ATP9A: variants seen among roughly 807,000 people sequenced by gnomAD.
The protein encoded by ATP9A is ATPase phospholipid transporting 9A, also known as probable phospholipid-transporting ATPase IIA.
Under a neutral mutation model 144.1 loss-of-function variants are expected in ATP9A, and 52 were observed. The observed-to-expected ratio is 0.36, with a 90% CI of 0.29 to 0.45. The LOEUF (loss-of-function observed/expected upper bound fraction) is 0.45. Ranked by LOEUF, ATP9A falls within the 20% of genes least tolerant of loss-of-function variation. The pLI is 1.00. For missense variants in ATP9A, 947 were observed against 1,392.7 expected (o/e 0.68, Z 5.09); for synonymous variants, 582 against 557.4 (o/e 1.04, Z -0.62).
At chr20:51,724,126 G>A (rs2077702078) in intron 3 of ATP9A, among the ~76,000 whole-genome samples, 1 of 151,922 alleles carries the variant, frequency 6.6e-6, no homozygotes, top group Non-Finnish European at 1.5e-5. Context: ...AGCTGAAATT[G>A]CGCCACTGCA....
intron 9 of ATP9A, among the ~76,000 whole-genome samples, chr20:51,683,133 A>T (rs2077507662): frequency 6.6e-6 from 1 of 152,064 alleles, no homozygotes; most frequent in Non-Finnish European, 1.5e-5. Context: ...TCTGTCACCC[A>T]AACTGGAGTA....
chr20:51,657,270 G>C, intron 13 of ATP9A, 120 bp from the exon 14 acceptor site: 1 of 742,160 alleles, frequency 1.3e-6, no homozygotes, highest in Non-Finnish European at 2.2e-6. Context: ...AGAACCCTTA[G>C]ATATATCTAC....
At chr20:51,630,366 C>G (rs1345056579) in intron 15 of ATP9A, among the ~76,000 whole-genome samples, 1 of 152,172 alleles carries the variant, frequency 6.6e-6, no homozygotes, top group Non-Finnish European at 1.5e-5. Context: ...AGAATAAATG[C>G]CCGGAAAGTC....
intron 9 of ATP9A, among the ~76,000 whole-genome samples, chr20:51,687,775 A>AAATGAATGAATGAATG (rs1555836823): frequency 6.1e-5 from 9 of 147,440 alleles, no homozygotes; most frequent in Non-Finnish European, 6.0e-5. Flanking sequence ...AAAAAAAAAA[A>AAATGAATGAATGAATG]AATGAATGAA....
chr20:51,686,024 T>C (rs2077521486), intron 9 of ATP9A, among the ~76,000 whole-genome samples: 1 of 152,148 alleles, frequency 6.6e-6, no homozygotes, highest in Non-Finnish European at 1.5e-5. Context: ...ATGCATAGAA[T>C]TCTATGCAGC....
intron 23 of ATP9A, 46 bp downstream of exon 23, chr20:51,613,631 G>A (rs1461409397): frequency 5.8e-6 from 9 of 1,563,840 alleles, no homozygotes; most frequent in Non-Finnish European, 6.9e-6. Context: ...CCACCTACAT[G>A]GTATAGCCAC....
intron 1 of ATP9A, among the ~76,000 whole-genome samples, chr20:51,733,379 CTT>C (rs554396491): frequency 6.8e-6 from 1 of 146,912 alleles, no homozygotes. Context: ...TTCCTCATGC[CTT>C]TTTTTTTTTC....
In ATP9A at chr20:51,668,357, G is replaced by C. The variant is rs1030164373; in HGVS notation, c.1293+1640C>G. Among the ~76,000 whole-genome samples the C allele has an allele frequency of 7.4e-4, 112 of 151,714 alleles. 1 individual carries two copies. Among genetic ancestry groups the C allele is most frequent in the Admixed American group, 2.1e-3 (32 of 15,210 alleles). On this transcript the variant is annotated intron_variant, in intron 13 of 27. Coordinates refer to ENST00000338821, the MANE Select transcript of ATP9A (RefSeq NM_006045.3). ...GAGATGAGGGAAGAAAGTCAGGAGG[G>C]GTCCCAGGTACAGCATCCTTATGAG... is the stretch of plus-strand genomic sequence containing the variant.
rs1179122348 is a variant in ATP9A, at chr20:51,689,244, G to GA, written c.724-106dup. Reference sequence around the variant, plus strand: ...GGAGATAGAAAGACAGGCTCCCCCCGATGAACCTGGAAGCCCAGTTTGGAA... The same window carrying GA: ...GGAGATAGAAAGACAGGCTCCCCCCGAATGAACCTGGAAGCCCAGTTTGGAA... On this transcript the variant is annotated intron_variant, in intron 8 of 27. Coordinates refer to ENST00000338821, the MANE Select transcript of ATP9A (RefSeq NM_006045.3). The GA allele has an allele frequency of 1.9e-5, 22 of 1,156,118 alleles. No individual in the cohort carries two copies. The Admixed American group carries it at 2.3e-4, about 12-fold the overall frequency. The allele number at this position is 1,156,118 out of a possible 1,614,324, so 71.6% of individuals were successfully genotyped here. A position where few individuals can be genotyped will look rare whatever the true frequency, so the allele number is the denominator to read the frequency against.
Position 51,608,043 on chromosome 20 carries a change from CAA to C in ATP9A, c.2746-461_2746-460del, listed in dbSNP as rs11482003. On this transcript the variant is annotated intron_variant, in intron 25 of 27. Transcript: ENST00000338821. The stretch of plus-strand genomic sequence containing the variant: ...TGGGTGACAAAGTGAGAATTAGTCT[CAA>C]AAAAAAAAAAAAAAAGAATTAACAT... Among the ~76,000 whole-genome samples, 878 of 116,444 alleles carry C rather than the reference CAA, an allele frequency of 7.5e-3. 14 individuals carry two copies. Among genetic ancestry groups the C allele is most frequent in the African/African-American group, 0.029 (825 of 28,094 alleles). 76.4% of individuals were successfully genotyped at this position (116,444 alleles called of 152,430 possible). A position where few individuals can be genotyped will look rare whatever the true frequency, so the allele number is the denominator to read the frequency against.
At chr20:51,738,214 CAG>C (rs1466026844) in intron 1 of ATP9A, among the ~76,000 whole-genome samples, 4 of 151,956 alleles carry the variant, frequency 2.6e-5, no homozygotes, top group African/African-American at 9.6e-5. Flanking sequence ...ATGTTTAGTA[CAG>C]ACAGGGTTTC....
chr20:51,617,387 ATT>A, intron 22 of ATP9A, 101 bp downstream of exon 22: 1 of 1,238,814 alleles, frequency 8.1e-7, no homozygotes. Context: ...ATGTTTTATC[ATT>A]CTTTATCTGG....
chr20:51,747,654 G>A (rs2077814294), intron 1 of ATP9A, among the ~76,000 whole-genome samples: 1 of 152,150 alleles, frequency 6.6e-6, no homozygotes, highest in Admixed American at 6.6e-5. Context: ...CCAGCAGATG[G>A]GCAGTCAGGG....
At position 51,760,779 on chromosome 20, in the gene ATP9A, C is replaced by A. The variant is rs922418931; in HGVS notation, c.68+7523G>T. On this transcript the variant is annotated intron_variant, in intron 1 of 27. Transcript: ENST00000338821. ...GTGGCTCACGCCTGTAATCGCAACACTTTGGGAGGCCGAGGCAGGCGGATC... is the reference window on the plus strand; with the variant it reads ...GTGGCTCACGCCTGTAATCGCAACAATTTGGGAGGCCGAGGCAGGCGGATC... 3.4e-5 allele frequency among the ~76,000 whole-genome samples: 5 copies of A among 148,838 alleles called. No individual in the cohort carries two copies. In the Admixed American group the frequency reaches 3.4e-4, roughly 10 times the overall value.
Position 51,768,283 on chromosome 20 carries a change from C to A in ATP9A, c.68+19G>T. ...CGGGAGGCGCGGACAAAGGAAAACA[C>A]GGGCCCAGGCCCACTCACCCGGCGC... is the stretch of plus-strand genomic sequence containing the variant. On this transcript the variant is annotated intron_variant, in intron 1 of 27. Transcript: ENST00000338821. 1 of 1,257,208 alleles carries A rather than the reference C, an allele frequency of 8.0e-7. No homozygotes were observed. Among genetic ancestry groups the A allele is most frequent in the Admixed American group, 4.0e-5 (1 of 25,010 alleles). 77.9% of individuals were successfully genotyped at this position (1,257,208 alleles called of 1,614,324 possible).
intron 26 of ATP9A, among the ~76,000 whole-genome samples, chr20:51,607,040 A>AAT (rs984744451): frequency 4.0e-5 from 6 of 151,390 alleles, no homozygotes; most frequent in African/African-American, 9.7e-5. Context: ...TAAATAAATA[A>AAT]ATATATATAT....
At chr20:51,731,306 T>C (rs1386905784) in intron 1 of ATP9A, among the ~76,000 whole-genome samples, 1 of 150,600 alleles carries the variant, frequency 6.6e-6, no homozygotes. Flanking sequence ...CTCAAATAAA[T>C]AAATAAATAA....
chr20:51,693,885 C>A, intron 7 of ATP9A, 123 bp downstream of exon 7: 3 of 820,818 alleles, frequency 3.7e-6, no homozygotes, highest in Non-Finnish European at 4.0e-6. Context: ...CTCCAGGACC[C>A]CACGCTCCCC....
At chr20:51,667,832 C>A (rs1165512338) in intron 13 of ATP9A, among the ~76,000 whole-genome samples, 1 of 151,434 alleles carries the variant, frequency 6.6e-6, no homozygotes, top group Non-Finnish European at 1.5e-5. Context: ...GGAGGTGAGG[C>A]GATCACTTGA....
Sources: allele counts gnomAD v4.1 joint callset (sites outside exome capture counted in the v4.1 genomes callset), GRCh38; gene constraint gnomAD v4.1.1; transcripts MANE v1.5; gene names NCBI Gene and HGNC (gene_info 2026-07-23, HGNC 2026-07-21).